PRKG1: variants seen among roughly 807,000 people sequenced by gnomAD.
PRKG1 encodes cGMP-dependent protein kinase 1.
Under a neutral mutation model 88.1 loss-of-function variants are expected in PRKG1, and 35 were observed. The ratio of observed to expected loss-of-function variants is 0.40; its 90% CI spans 0.30 to 0.53. The LOEUF is 0.53. Among genes scored for constraint, PRKG1 ranks in the 20% least tolerant of loss-of-function variants. PRKG1 has a pLI of 0.59. For missense variants in PRKG1, 540 were observed against 839.8 expected, an observed-to-expected ratio of 0.64 and a Z score of 4.41; for synonymous variants, 303 against 292.5, an observed-to-expected ratio of 1.04 and a Z score of -0.37.
Position 51,466,241 on chromosome 10 carries a change from G to A in PRKG1, c.479-1482G>A, listed in dbSNP as rs77701677. Among the ~76,000 whole-genome samples, 366 of 152,178 alleles carry A rather than the reference G, an allele frequency of 2.4e-3. 1 individual carries two copies. Among genetic ancestry groups the A allele is most frequent in the African/African-American group, 8.5e-3 (353 of 41,536 alleles). ...AAGCTTATGAAAAGATGAATTTACC[G>A]GACTGATTTTGATGGGGAAGAATTT... On this transcript the variant is annotated intron_variant, in intron 2 of 17. Coordinates refer to ENST00000373980, the MANE Select transcript of PRKG1 (RefSeq NM_006258.4).
intron 3 of PRKG1, among the ~76,000 whole-genome samples, chr10:51,503,843 G>C (rs1192146943): frequency 6.6e-6 from 1 of 152,074 alleles, no homozygotes; most frequent in Admixed American, 6.6e-5. Flanking sequence ...TTACAGTGTT[G>C]ATGGTAAAAT....
At chr10:51,028,075 T>G (rs1843232218) in intron 1 of PRKG1, among the ~76,000 whole-genome samples, 3 of 152,164 alleles carry the variant, frequency 2.0e-5, no homozygotes. Context: ...TTTATTCCAG[T>G]GACCTTATTT....
intron 3 of PRKG1, among the ~76,000 whole-genome samples, chr10:51,599,654 T>A (rs1432091390): frequency 1.3e-5 from 2 of 152,158 alleles, no homozygotes; most frequent in African/African-American, 4.8e-5. Flanking sequence ...CCAGTCCTGA[T>A]TAAAACCAGG....
chr10:51,493,649 A>C (rs1840768719), intron 3 of PRKG1, among the ~76,000 whole-genome samples: 1 of 152,164 alleles, frequency 6.6e-6, no homozygotes, highest in Non-Finnish European at 1.5e-5. Context: ...ATGGAATTTT[A>C]GTGAAGGAAA....
At chr10:51,733,300 A>G (rs1837168522) in intron 3 of PRKG1, among the ~76,000 whole-genome samples, 1 of 152,154 alleles carries the variant, frequency 6.6e-6, no homozygotes, top group African/African-American at 2.4e-5. Context: ...AACTCAAGAC[A>G]AATTCTGGAA....
At chr10:52,172,568 A>G (rs185275493) in intron 9 of PRKG1, among the ~76,000 whole-genome samples, 1 of 152,228 alleles carries the variant, frequency 6.6e-6, no homozygotes, top group Non-Finnish European at 1.5e-5. Flanking sequence ...GAAAAGAATA[A>G]TACCTTTTAT....
intron 3 of PRKG1, among the ~76,000 whole-genome samples, chr10:51,729,706 CAA>C (rs34900286): frequency 0.043 from 1,230 of 28,376 alleles, 1 homozygote; most frequent in African/African-American, 0.13. Flanking sequence ...GACTCCATCT[CAA>C]AAAAAAAAAA....
chr10:51,545,740 T>C (rs1842429520), intron 3 of PRKG1, among the ~76,000 whole-genome samples: 1 of 152,098 alleles, frequency 6.6e-6, no homozygotes, highest in Non-Finnish European at 1.5e-5. Flanking sequence ...TAGCTAGCTT[T>C]TACTGTATTC....
intron 3 of PRKG1, among the ~76,000 whole-genome samples, chr10:51,619,076 C>T (rs141603202): frequency 4.0e-5 from 6 of 151,824 alleles, no homozygotes; most frequent in African/African-American, 1.5e-4. Context: ...CATGGCTGGC[C>T]TAGGCATTTT....
chr10:51,534,762 A>G (rs957754024), intron 3 of PRKG1, among the ~76,000 whole-genome samples: 2 of 152,156 alleles, frequency 1.3e-5, no homozygotes, highest in Non-Finnish European at 2.9e-5. Flanking sequence ...ATGACAAGAA[A>G]AAATGTATTT....
intron 5 of PRKG1, among the ~76,000 whole-genome samples, chr10:51,996,314 C>CAAAAAAAAAAAAA (rs59174399): frequency 1.0e-4 from 3 of 30,026 alleles, no homozygotes; most frequent in Non-Finnish European, 5.3e-5. Context: ...GACTCCATCT[C>CAAAAAAAAAAAAA]AAAAAAAAAA....
chr10:52,296,030 A>T lies in PRKG1; in HGVS notation c.*2130A>T, dbSNP rs1183830870. On this transcript the variant is annotated 3_prime_UTR_variant, in exon 18 of 18. Transcript: ENST00000373980. ...CTATGAATGTTATTTCAAGAGTTTT[A>T]TATTTTTAATTGGCTTTTTAAAAAT... 1 of 152,060 alleles carries T rather than the reference A, an allele frequency of 6.6e-6. No homozygotes were observed. Among genetic ancestry groups the T allele is most frequent in the African/African-American group, 2.4e-5 (1 of 41,446 alleles). 9.4% of individuals were successfully genotyped at this position (152,060 alleles called of 1,614,324 possible). A position where few individuals can be genotyped will look rare whatever the true frequency, so the allele number is the denominator to read the frequency against.
intron 2 of PRKG1, among the ~76,000 whole-genome samples, chr10:51,291,945 G>T (rs184234498): frequency 2.3e-3 from 346 of 152,250 alleles, no homozygotes; most frequent in African/African-American, 8.0e-3. Context: ...GAGTACTTCT[G>T]AGTCTAAAAC....
intron 2 of PRKG1, among the ~76,000 whole-genome samples, chr10:51,344,636 A>G (rs1842074323): frequency 6.6e-6 from 1 of 152,158 alleles, no homozygotes; most frequent in African/African-American, 2.4e-5. Context: ...GAAGAGAGAG[A>G]TCTAGTGAGA....
At chr10:51,489,203 G>A (rs1261524322) in intron 3 of PRKG1, among the ~76,000 whole-genome samples, 2 of 152,084 alleles carry the variant, frequency 1.3e-5, no homozygotes, top group Non-Finnish European at 1.5e-5. Flanking sequence ...AATGTGATAA[G>A]GGTACAATAG....
chr10:51,229,943 A>AAAAAAG (rs1838796462), intron 2 of PRKG1, among the ~76,000 whole-genome samples: 1 of 130,732 alleles, frequency 7.6e-6, no homozygotes, highest in African/African-American at 2.8e-5. Flanking sequence ...AAAAAAAAAA[A>AAAAAAG]AAAAAGAAAA....
chr10:51,093,012 C>G (rs1393066102), intron 1 of PRKG1, among the ~76,000 whole-genome samples: 1 of 152,092 alleles, frequency 6.6e-6, no homozygotes, highest in Non-Finnish European at 1.5e-5. Flanking sequence ...TGTGATGCAA[C>G]AGGATTTTCA....
At chr10:51,342,473 T>C (rs981546047) in intron 2 of PRKG1, among the ~76,000 whole-genome samples, 3 of 152,186 alleles carry the variant, frequency 2.0e-5, no homozygotes, top group African/African-American at 7.2e-5. Context: ...GAACTATTTT[T>C]AAGTGAAATA....
At chr10:51,119,467 G>A (rs1845210702) in intron 1 of PRKG1, among the ~76,000 whole-genome samples, 1 of 151,968 alleles carries the variant, frequency 6.6e-6, no homozygotes, top group African/African-American at 2.4e-5. Context: ...TGGTACAGAT[G>A]TGTACAGTTA....
Sources: gnomAD v4.1 joint callset for allele counts (sites outside exome capture counted in the v4.1 genomes callset) on GRCh38, gnomAD v4.1.1 for gene constraint, MANE v1.5 for transcripts, NCBI Gene and HGNC (gene_info 2026-07-23, HGNC 2026-07-21) for gene names.